The following TMEM26 variants were observed in gnomAD, a reference collection of about 807,000 sequenced individuals.
TMEM26 encodes the protein transmembrane protein 26.
TMEM26 carries 38 observed loss-of-function variants against 28.8 expected under a neutral mutation model. The observed-to-expected ratio is 1.32, with a 90% confidence interval of 1.02 to 1.73. The LOEUF (loss-of-function observed/expected upper bound fraction) is 1.73. Ranked by LOEUF, TMEM26 falls within the 40% of genes most tolerant of loss-of-function variation. The pLI, the probability that TMEM26 is intolerant of heterozygous loss-of-function variation, is 0.00. For synonymous variants in TMEM26, 227 were observed against 182.9 expected (o/e 1.24, Z -1.95); for missense variants, 518 against 447.1 (o/e 1.16, Z -1.43).
At chr10:61,432,219 T>C (rs1839934101) in intron 2 of TMEM26, among the ~76,000 whole-genome samples, 1 of 152,114 alleles carries the variant, frequency 6.6e-6, no homozygotes, top group South Asian at 2.1e-4. Context: ...TAATCCTGAC[T>C]GTCAAGTACT....
Position 61,410,766 on chromosome 10 carries a change from T to C in TMEM26, c.683-20A>G, listed in dbSNP as rs755443559. ...TCTGTACTGAAAACACAAGACAGAC[T>C]AGTTACTATCTCTCTTGGAAGTGTA... On this transcript the variant is annotated intron_variant, in intron 5 of 5. Coordinates refer to ENST00000399298, the MANE Select transcript of TMEM26 (RefSeq NM_178505.8). 13 of 1,608,280 alleles carry C rather than the reference T, an allele frequency of 8.1e-6. No homozygotes were observed. Among genetic ancestry groups the C allele is most frequent in the Admixed American group, 6.7e-5 (4 of 59,756 alleles).
At chr10:61,437,610 C>A (rs1418546822) in intron 1 of TMEM26, among the ~76,000 whole-genome samples, 1 of 152,044 alleles carries the variant, frequency 6.6e-6, no homozygotes, top group East Asian at 1.9e-4. Flanking sequence ...ACGGTGAAAA[C>A]CCATCGCTAC....
intron 4 of TMEM26, among the ~76,000 whole-genome samples, chr10:61,423,484 C>G (rs1441753470): frequency 6.6e-6 from 1 of 152,188 alleles, no homozygotes. Context: ...TGGCTCACAT[C>G]TATAATCCTA....
At chr10:61,443,296 CAAA>C (rs536125967) in intron 1 of TMEM26, among the ~76,000 whole-genome samples, 8 of 117,224 alleles carry the variant, frequency 6.8e-5, no homozygotes, top group Admixed American at 1.7e-4. Context: ...CTAAAAATAC[CAAA>C]AAAAAAAAAA....
chr10:61,416,242 A>G (rs926793115), intron 4 of TMEM26: 4 of 373,828 alleles, frequency 1.1e-5, no homozygotes, highest in Non-Finnish European at 2.1e-5. Context: ...TCTACCAAAA[A>G]CTATGTGCAA....
intron 1 of TMEM26, 153 bp downstream of exon 1, chr10:61,452,738 C>G (rs1840309657): frequency 1.0e-6 from 1 of 964,608 alleles, no homozygotes; most frequent in East Asian, 2.5e-5. Flanking sequence ...CCAAGAGATG[C>G]GCAAGCATCT....
Position 61,410,265 on chromosome 10 carries a change from C to A in TMEM26, c.*57G>T, listed in dbSNP as rs1839545908. 1 of 1,512,438 alleles carries A rather than the reference C, an allele frequency of 6.6e-7. No individual in the cohort carries two copies. The highest frequency in any genetic ancestry group is 2.1e-5 in the Admixed American group (1 of 46,870). 93.7% of individuals were successfully genotyped at this position (1,512,438 alleles called of 1,614,324 possible). On this transcript the variant is annotated 3_prime_UTR_variant, in exon 6 of 6. Transcript: ENST00000399298. ...AAGGTTGGAGGAGAAAAAGGATCCT[C>A]CCTGTAAGAAGAACCAGGGAGTCAG...
At chr10:61,425,246 C>T (rs550109549) in intron 4 of TMEM26, among the ~76,000 whole-genome samples, 34 of 152,222 alleles carry the variant, frequency 2.2e-4, no homozygotes, top group African/African-American at 6.5e-4. Context: ...GACCTGCTCC[C>T]GTAACTCAGT....
At position 61,407,753 on chromosome 10, in the gene TMEM26, G is replaced by A. The variant is rs942528125; in HGVS notation, c.*2569C>T. ...AACCTCAAATAAGCCACTTTCTTCA[G>A]GGGTTGGGGAGTGACCTACTGTGTG... On this transcript the variant is annotated 3_prime_UTR_variant, in exon 6 of 6. Coordinates refer to ENST00000399298, the MANE Select transcript of TMEM26 (RefSeq NM_178505.8). 1 of 152,178 alleles carries A rather than the reference G, an allele frequency of 6.6e-6. No individual in the cohort carries two copies. Among genetic ancestry groups the A allele is most frequent in the Non-Finnish European group, 1.5e-5 (1 of 68,046 alleles). The allele number at this position is 152,178 out of a possible 1,614,324, so 9.4% of individuals were successfully genotyped here. A position where few individuals can be genotyped will look rare whatever the true frequency, so the allele number is the denominator to read the frequency against.
intron 1 of TMEM26, among the ~76,000 whole-genome samples, chr10:61,443,322 G>A (rs764058264): frequency 5.3e-5 from 8 of 151,560 alleles, no homozygotes; most frequent in Non-Finnish European, 7.4e-5. Flanking sequence ...AAAATTAGCC[G>A]GTTGTGGCGG....
intron 4 of TMEM26, chr10:61,414,976 G>T (rs1327605111): frequency 2.0e-6 from 2 of 983,210 alleles, no homozygotes; most frequent in African/African-American, 1.7e-5. Flanking sequence ...GCTCCCCACA[G>T]GGGGACTCTC....
At chr10:61,419,803 A>C (rs965071487) in intron 4 of TMEM26, among the ~76,000 whole-genome samples, 4 of 152,172 alleles carry the variant, frequency 2.6e-5, no homozygotes, top group African/African-American at 4.8e-5. Context: ...GAGGAAAAAA[A>C]CATAATTTAC....
At chr10:61,426,459 A>G (rs1038119978) in intron 4 of TMEM26, among the ~76,000 whole-genome samples, 2 of 152,152 alleles carry the variant, frequency 1.3e-5, no homozygotes, top group African/African-American at 4.8e-5. Flanking sequence ...GCAGAATCAG[A>G]AGCTTTACAA....
chr10:61,447,229 G>A (rs1488651165), intron 1 of TMEM26, among the ~76,000 whole-genome samples: 1 of 152,184 alleles, frequency 6.6e-6, no homozygotes, highest in African/African-American at 2.4e-5. Flanking sequence ...AGGAGGAAGA[G>A]TTTTATTTCC....
intron 2 of TMEM26, among the ~76,000 whole-genome samples, chr10:61,432,704 A>C (rs1839942147): frequency 6.6e-6 from 1 of 152,108 alleles, no homozygotes; most frequent in Admixed American, 6.6e-5. Flanking sequence ...ATTATTCTGG[A>C]TACATCGTCG....
chr10:61,420,015 CCA>C (rs1233953846), intron 4 of TMEM26, among the ~76,000 whole-genome samples: 1 of 152,002 alleles, frequency 6.6e-6, no homozygotes, highest in East Asian at 1.9e-4. Context: ...ACTGACCTCC[CCA>C]CACACAGTTG....
chr10:61,442,649 C>T (rs988983402), intron 1 of TMEM26, among the ~76,000 whole-genome samples: 1 of 152,134 alleles, frequency 6.6e-6, no homozygotes, highest in Non-Finnish European at 1.5e-5. Flanking sequence ...TTTGCATGTC[C>T]TCCGTAAAAT....
chr10:61,423,774 T>C (rs1837106897), intron 4 of TMEM26, among the ~76,000 whole-genome samples: 1 of 152,118 alleles, frequency 6.6e-6, no homozygotes, highest in African/African-American at 2.4e-5. Context: ...AAGTAGAATT[T>C]ATCTCAGGAA....
intron 4 of TMEM26, among the ~76,000 whole-genome samples, chr10:61,421,290 TAAC>T (rs1839743240): frequency 1.4e-5 from 2 of 146,546 alleles, no homozygotes; most frequent in Non-Finnish European, 3.0e-5. Context: ...AGTAGAGGAG[TAAC>T]ACAGAAATAA....
Sources: allele counts gnomAD v4.1 joint callset (sites outside exome capture counted in the v4.1 genomes callset), GRCh38; gene constraint gnomAD v4.1.1; transcripts MANE v1.5; gene names NCBI Gene and HGNC (gene_info 2026-07-23, HGNC 2026-07-21).